SIK3: variants seen among roughly 807,000 people sequenced by gnomAD.
The protein encoded by SIK3 is serine/threonine-protein kinase SIK3.
Under a neutral mutation model 144.2 loss-of-function variants are expected in SIK3, and 28 were observed. The ratio of observed to expected loss-of-function variants is 0.19; its 90% CI spans 0.14 to 0.27. The LOEUF (loss-of-function observed/expected upper bound fraction) is 0.27. Among genes scored for constraint, SIK3 ranks in the 10% least tolerant of loss-of-function variants. The probability of loss-of-function intolerance (pLI) is 1.00; values close to 1 mark genes in which losing one functional copy is unlikely to be tolerated. For missense variants in SIK3, 1,319 were observed against 1,776.0 expected, an observed-to-expected ratio of 0.74 and a Z score of 4.62; for synonymous variants, 686 against 676.3, an observed-to-expected ratio of 1.01 and a Z score of -0.22.
At chr11:116,861,676 G>A (rs1051513210) in intron 18 of SIK3, among the ~76,000 whole-genome samples, 165 bp downstream of exon 18, 1 of 152,188 alleles carries the variant, frequency 6.6e-6, no homozygotes, top group African/African-American at 2.4e-5. Context: ...GGCACAGGAA[G>A]TTGGGATTTC....
At chr11:117,078,941 T>G (rs1324141044) in intron 1 of SIK3, among the ~76,000 whole-genome samples, 1 of 151,158 alleles carries the variant, frequency 6.6e-6, no homozygotes, top group African/African-American at 2.4e-5. Context: ...AAAATGAGAG[T>G]TTTTTAAAAG....
At position 116,875,360 on chromosome 11, in the gene SIK3, A is replaced by G; in HGVS notation, c.1317+14T>C. Reference sequence around the variant, plus strand: ...AGTGGTTTCAGCTGACAGCTCCCACAGGTTGCTACTTGCCTCCACAATTTG... The same window carrying G: ...AGTGGTTTCAGCTGACAGCTCCCACGGGTTGCTACTTGCCTCCACAATTTG... On this transcript the variant is annotated intron_variant, in intron 10 of 24. Coordinates refer to ENST00000445177, the MANE Select transcript of SIK3 (RefSeq NM_001366686.3). The G allele has an allele frequency of 6.2e-7, 1 of 1,614,076 alleles. No individual in the cohort carries two copies. The highest frequency in any genetic ancestry group is 2.2e-5 in the East Asian group (1 of 44,886).
At chr11:117,038,067 T>C (rs1440485071) in intron 1 of SIK3, among the ~76,000 whole-genome samples, 3 of 152,210 alleles carry the variant, frequency 2.0e-5, no homozygotes, top group Non-Finnish European at 2.9e-5. Flanking sequence ...GTAGAAACCT[T>C]TGCCAGAATC....
At chr11:117,033,721 AAAAG>A (rs1565578861) in intron 1 of SIK3, among the ~76,000 whole-genome samples, 1 of 151,262 alleles carries the variant, frequency 6.6e-6, no homozygotes, top group South Asian at 2.1e-4. Flanking sequence ...AAAAAAAAAA[AAAAG>A]AAAGAAAAGA....
At chr11:116,940,203 G>A (rs2135263931) in intron 3 of SIK3, among the ~76,000 whole-genome samples, 1 of 151,898 alleles carries the variant, frequency 6.6e-6, no homozygotes, top group Non-Finnish European at 1.5e-5. Flanking sequence ...GTAGGAGCCA[G>A]GCAAAAATAT....
intron 1 of SIK3, among the ~76,000 whole-genome samples, chr11:116,980,165 C>T (rs1297369932): frequency 6.6e-6 from 1 of 152,164 alleles, no homozygotes; most frequent in Non-Finnish European, 1.5e-5. Context: ...GTCAAAAATG[C>T]ATTTAATACA....
chr11:117,020,696 G>A (rs76666535), intron 1 of SIK3, among the ~76,000 whole-genome samples: 3,747 of 152,262 alleles, frequency 0.025, 85 homozygotes, highest in South Asian at 0.11. Context: ...TTGCTGGGAG[G>A]GTGAGGCACC....
chr11:116,993,153 G>T (rs1453324208), intron 1 of SIK3, among the ~76,000 whole-genome samples: 2 of 152,012 alleles, frequency 1.3e-5, no homozygotes, highest in Non-Finnish European at 2.9e-5. Context: ...TCCCAAAGTG[G>T]TGGGATTACT....
chr11:117,069,346 T>C (rs1011181617), intron 1 of SIK3, among the ~76,000 whole-genome samples: 2 of 152,096 alleles, frequency 1.3e-5, no homozygotes, highest in Non-Finnish European at 2.9e-5. Flanking sequence ...CTTCTTCCTT[T>C]CCCCCAGCAA....
intron 1 of SIK3, among the ~76,000 whole-genome samples, chr11:117,055,508 C>A (rs568765996): frequency 8.5e-5 from 13 of 152,270 alleles, no homozygotes; most frequent in East Asian, 3.9e-4. Context: ...CCTGGTCTCT[C>A]TGGTTTGGAT....
rs576915132 is a variant in SIK3 at position 116,859,557 on chromosome 11, T to C, written c.2473A>G (p.Ile825Val). The change falls in exon 20 of 25, where the codon ATC becomes GTC. Residue 825 changes from isoleucine to valine, a missense_variant. Transcript: ENST00000445177. ...CAGTTCTCAGGTTGCTGCTGAAAGA[T>C]TGCACTGCGGGAAGGTAAGCCTTGA... ...QFQGLPSRSA[I>V]FQQQPENCSS... is the part of the protein sequence containing the mutation. 29 of 1,614,104 alleles carry C rather than the reference T, an allele frequency of 1.8e-5. No individual in the cohort carries two copies. The highest frequency in any genetic ancestry group is 8.9e-5 in the East Asian group (4 of 44,872).
In SIK3 at chr11:117,096,730, T is replaced by G. The variant is rs541032530; in HGVS notation, c.273+1413A>C. Among the ~76,000 whole-genome samples, 173 of 152,208 alleles carry G rather than the reference T, an allele frequency of 1.1e-3. 1 individual carries two copies. The highest frequency in any genetic ancestry group is 3.3e-3 in the African/African-American group (136 of 41,542). ...TGACACCCTGGTAAGAAGGGCCCCT[T>G]GTAGCCTCAGGCAGAAAGATGGTGG... On this transcript the variant is annotated intron_variant, in intron 1 of 24. Coordinates refer to ENST00000445177, the MANE Select transcript of SIK3 (RefSeq NM_001366686.3).
At chr11:117,096,351 T>C (rs1264302476) in intron 1 of SIK3, among the ~76,000 whole-genome samples, 1 of 151,774 alleles carries the variant, frequency 6.6e-6, no homozygotes, top group East Asian at 1.9e-4. Flanking sequence ...CAGAGCAAAA[T>C]AACCACAGGA....
At chr11:117,014,073 G>A (rs11216230) in intron 1 of SIK3, among the ~76,000 whole-genome samples, 4,626 of 136,296 alleles carry the variant, frequency 0.034, 173 homozygotes, top group East Asian at 0.19. Context: ...TCAACCTCCT[G>A]GGCTCAAGTG....
In SIK3 at chr11:117,067,909, G is replaced by A. The variant is rs146050953; in HGVS notation, c.273+30234C>T. On this transcript the variant is annotated intron_variant, in intron 1 of 24. Transcript: ENST00000445177. ...GGTTGAGGCAGAATCGCTTCAACCC[G>A]GGAGGCGGAGGCTGCAGTGAGCCGA... 9.6e-4 allele frequency among the ~76,000 whole-genome samples: 146 copies of A among 152,136 alleles called. 2 individuals carry two copies. The East Asian group carries it at 0.02, about 21-fold the overall frequency.
intron 4 of SIK3, among the ~76,000 whole-genome samples, chr11:116,919,124 G>A (rs1946823476): frequency 6.6e-6 from 1 of 152,188 alleles, no homozygotes; most frequent in South Asian, 2.1e-4. Context: ...TTGATATAAT[G>A]AGTATTGCAT....
intron 1 of SIK3, among the ~76,000 whole-genome samples, chr11:117,064,887 C>T (rs549954344): frequency 6.6e-6 from 1 of 152,274 alleles, no homozygotes; most frequent in East Asian, 1.9e-4. Context: ...CGGTGGCTCA[C>T]GCCTGTAATC....
At chr11:116,964,540 G>C (rs1448874645) in intron 1 of SIK3, among the ~76,000 whole-genome samples, 1 of 152,110 alleles carries the variant, frequency 6.6e-6, no homozygotes, top group African/African-American at 2.4e-5. Context: ...TAAGGGTCAG[G>C]CAGCTTTCAA....
intron 6 of SIK3, among the ~76,000 whole-genome samples, chr11:116,882,052 C>G (rs1944579003): frequency 1.3e-5 from 2 of 152,024 alleles, no homozygotes; most frequent in South Asian, 4.1e-4. Context: ...TGAAAACAAA[C>G]CAAAACAATT....
Sources: gnomAD v4.1 joint callset for allele counts (sites outside exome capture counted in the v4.1 genomes callset) on GRCh38, gnomAD v4.1.1 for gene constraint, MANE v1.5 for transcripts, NCBI Gene and HGNC (gene_info 2026-07-23, HGNC 2026-07-21) for gene names.